Variants in HPS3 observed in about 807,000 individuals in gnomAD.
The protein encoded by HPS3 is HPS3 biogenesis of lysosomal organelles complex 2 subunit 1, also known as BLOC-2 complex member HPS3.
A neutral mutation model predicts 110.9 loss-of-function variants in HPS3; 79 were observed. That is an observed-to-expected ratio of 0.71 (90% CI 0.59 to 0.86). The LOEUF is 0.86. Ranked by LOEUF, HPS3 falls within the 40% of genes least tolerant of loss-of-function variation. The pLI is 0.00. For synonymous variants in HPS3, 428 were observed against 451.0 expected (o/e 0.95, Z 0.65); for missense variants, 1,197 against 1,206.2 (o/e 0.99, Z 0.11).
chr3:149,171,698 CTTTT>C (rs1170000443), intron 16 of HPS3, among the ~76,000 whole-genome samples: 24 of 118,248 alleles, frequency 2.0e-4, no homozygotes, highest in Admixed American at 1.4e-3. Flanking sequence ...GAACTGGCTT[CTTTT>C]TTTTTTTTTT....
At chr3:149,156,765 A>T (rs868560297) in intron 8 of HPS3, among the ~76,000 whole-genome samples, 1 of 152,126 alleles carries the variant, frequency 6.6e-6, no homozygotes, top group Non-Finnish European at 1.5e-5. Context: ...AATGCCAATT[A>T]TTATATTAGC....
intron 11 of HPS3, among the ~76,000 whole-genome samples, chr3:149,160,984 T>C (rs963334814): frequency 3.9e-5 from 6 of 152,328 alleles, no homozygotes; most frequent in African/African-American, 1.4e-4. Context: ...AGTTAAGTTG[T>C]AGAGCCAGAA....
chr3:149,135,886 TTCTC>T (rs1447028518), intron 1 of HPS3, among the ~76,000 whole-genome samples: 2 of 152,180 alleles, frequency 1.3e-5, no homozygotes, highest in Non-Finnish European at 2.9e-5. Context: ...AAGCCCTACT[TTCTC>T]TCAGTTTTCC....
rs774625249 is a variant in HPS3, at chr3:149,129,810, G to T, written c.87G>T (p.Gly29=). The change falls in exon 1 of 17, where the codon GGG becomes GGT. Residue 29 remains glycine (G), a synonymous_variant. Coordinates refer to ENST00000296051, the MANE Select transcript of HPS3 (RefSeq NM_032383.5). The part of the protein sequence containing the change: ...KLEPDRFCGG[G]RDALFVAAGC... ...AGCCGGACCGGTTCTGTGGCGGGGG[G>T]CGTGACGCGCTTTTCGTGGCGGCGG... 1 of 1,607,274 alleles carries T rather than the reference G, an allele frequency of 6.2e-7. No homozygotes were observed. Among genetic ancestry groups the T allele is most frequent in the Non-Finnish European group, 8.5e-7 (1 of 1,179,292 alleles).
chr3:149,160,068 A>C lies in HPS3; in HGVS notation c.1895A>C (p.Gln632Pro), dbSNP rs1267635630. ...AAGGAATTAGCAGCAAAAGTGGTTC[A>C]GATGTTTTATGTGGCTGAGCCAAAG... ...LNEELAAKVV[Q>P]MFYVAEPKQV... The change falls in exon 11 of 17, where the codon CAG becomes CCG. Residue 632 changes from glutamine (Q) to proline (P), a missense_variant. Coordinates refer to ENST00000296051, the MANE Select transcript of HPS3 (RefSeq NM_032383.5). 6.2e-6 allele frequency: 10 copies of C among 1,613,700 alleles called. No homozygotes were observed. Among genetic ancestry groups the C allele is most frequent in the Non-Finnish European group, 8.5e-6 (10 of 1,179,774 alleles).
At position 149,132,889 on chromosome 3, in the gene HPS3, G is replaced by T. The variant is rs370117865; in HGVS notation, c.217+2949G>T. ...CAACTCTCATGGATGACTTTGAGGG[G>T]TTCAAGACTTAGGTGGATGAAATAA... On this transcript the variant is annotated intron_variant, in intron 1 of 16. Transcript: ENST00000296051. Among the ~76,000 whole-genome samples the T allele has an allele frequency of 2.6e-5, 4 of 152,334 alleles. 1 individual carries two copies. The highest frequency in any genetic ancestry group is 6.5e-5 in the Admixed American group (1 of 15,302).
intron 8 of HPS3, among the ~76,000 whole-genome samples, chr3:149,155,966 C>G (rs1358197950): frequency 6.6e-6 from 1 of 152,094 alleles, no homozygotes; most frequent in East Asian, 1.9e-4. Context: ...CCCAGGAGTT[C>G]AAGGCCACAA....
intron 8 of HPS3, 144 bp downstream of exon 8, chr3:149,155,359 C>A: frequency 1.5e-6 from 1 of 654,860 alleles, no homozygotes; most frequent in Admixed American, 2.3e-5. Flanking sequence ...GTATATCTCT[C>A]TCTGCCTCCT....
intron 1 of HPS3, among the ~76,000 whole-genome samples, chr3:149,133,608 C>G (rs2108118294): frequency 6.6e-6 from 1 of 152,198 alleles, no homozygotes; most frequent in South Asian, 2.1e-4. Flanking sequence ...CCATTGTTGT[C>G]TTATTTTAAG....
intron 1 of HPS3, among the ~76,000 whole-genome samples, chr3:149,136,489 A>G (rs1722105785): frequency 6.6e-6 from 1 of 152,200 alleles, no homozygotes; most frequent in East Asian, 1.9e-4. Flanking sequence ...TCAGTTGGGG[A>G]AACAGCATTA....
At position 149,140,084 on chromosome 3, in the gene HPS3, G is replaced by A. The variant is rs1257162572; in HGVS notation, c.298G>A (p.Glu100Lys). 9 of 1,612,728 alleles carry A rather than the reference G, an allele frequency of 5.6e-6. No individual in the cohort carries two copies. The highest frequency in any genetic ancestry group is 7.6e-6 in the Non-Finnish European group (9 of 1,179,600). The change falls in exon 2 of 17, where the codon GAA becomes AAA. Residue 100 changes from glutamate (E) to lysine (K), a missense_variant. Transcript: ENST00000296051. ...AYVNWRNKRT[E>K]NSRVCIRMIG... ...TGTGAACTGGAGAAATAAAAGGACTGAAAACTCTCGTGTGTGTATCCGAAT... is the reference window on the plus strand; with the variant it reads ...TGTGAACTGGAGAAATAAAAGGACTAAAAACTCTCGTGTGTGTATCCGAAT...
Position 149,140,212 on chromosome 3 carries a change from C to T in HPS3, c.426C>T (p.Cys142=), listed in dbSNP as rs766173769. Residue 142 remains cysteine, a synonymous_variant, in exon 2 of 17, where the codon TGC becomes TGT. Transcript: ENST00000296051. ...AGGCCCCCTTGTGCATTTCCTGTTG[C>T]CCTGTGAAAGGAGACCTTCTCGTTG... ...LSEAPLCISC[C]PVKGDLLVGC... The T allele has an allele frequency of 6.2e-7, 1 of 1,614,042 alleles. No individual in the cohort carries two copies. The highest frequency in any genetic ancestry group is 1.7e-5 in the Admixed American group (1 of 60,010).
In HPS3 at chr3:149,167,885, TA is replaced by T; in HGVS notation, c.2797-6del. On this transcript the variant is annotated splice_region_variant and splice_polypyrimidine_tract_variant and intron_variant, in intron 15 of 16. Coordinates refer to ENST00000296051, the MANE Select transcript of HPS3 (RefSeq NM_032383.5). ...AAACTAAAATTTATTCATTTTTTCC[TA>T]AGATAGACTCTGTGGTGGAAAAAAC... The T allele has an allele frequency of 6.5e-7, 1 of 1,543,634 alleles. No individual in the cohort carries two copies.
chr3:149,173,418 T>A lies in HPS3; in HGVS notation c.*1196T>A, dbSNP rs868443549. ...ACCCAGGAGAATATCTGGTCATAGA[T>A]CTTTTTTTAAATGCAGTTTTATAAA... On this transcript the variant is annotated 3_prime_UTR_variant, in exon 17 of 17. Transcript: ENST00000296051. 5 of 229,644 alleles carry A rather than the reference T, an allele frequency of 2.2e-5. No individual in the cohort carries two copies. The highest frequency in any genetic ancestry group is 1.7e-3 in the Middle Eastern group (1 of 598). The allele number at this position is 229,644 out of a possible 1,614,324, so 14.2% of individuals were successfully genotyped here. A position where few individuals can be genotyped will look rare whatever the true frequency, so the allele number is the denominator to read the frequency against.
intron 1 of HPS3, 90 bp downstream of exon 1, chr3:149,130,030 A>G (rs1721659604): frequency 1.6e-6 from 2 of 1,263,550 alleles, no homozygotes; most frequent in African/African-American, 1.5e-5. Flanking sequence ...AGCTCTAGCT[A>G]GGGATGGGAC....
chr3:149,166,677 C>T (rs1724448280), intron 14 of HPS3, among the ~76,000 whole-genome samples: 1 of 152,124 alleles, frequency 6.6e-6, no homozygotes, highest in Non-Finnish European at 1.5e-5. Flanking sequence ...ATTGCGAATA[C>T]TCTTGCGGTG....
At chr3:149,148,639 AG>A (rs1722922133) in intron 5 of HPS3, among the ~76,000 whole-genome samples, 1 of 151,834 alleles carries the variant, frequency 6.6e-6, no homozygotes, top group Non-Finnish European at 1.5e-5. Context: ...TCCAGACCTC[AG>A]GCAATTCGCC....
At chr3:149,164,781 C>T (rs928833835) in intron 14 of HPS3, among the ~76,000 whole-genome samples, 1 of 152,210 alleles carries the variant, frequency 6.6e-6, no homozygotes, top group African/African-American at 2.4e-5. Context: ...CACTGTCCTC[C>T]CGCACAGTTA....
In HPS3 at chr3:149,140,015, G is replaced by A. The variant is rs752380626; in HGVS notation, c.229G>A (p.Val77Ile). 1 of 1,612,836 alleles carries A rather than the reference G, an allele frequency of 6.2e-7. No individual in the cohort carries two copies. The highest frequency in any genetic ancestry group is 2.2e-5 in the East Asian group (1 of 44,880). The change falls in exon 2 of 17, where the codon GTA becomes ATA. Residue 77 changes from valine (V) to isoleucine (I), a missense_variant. Physicochemically the swap from Val to Ile is conservative, Grantham distance 29 (BLOSUM62 3). Transcript: ENST00000296051. ...TCATTCCTTCTCAGGAGATTATTTG[G>A]TAGCAATTGAAGAGAAAAACAAAGC... The part of the protein sequence containing the change: ...LAYSEAGDYL[V>I]AIEEKNKATF...
Sources: gnomAD v4.1 joint callset for allele counts (sites outside exome capture counted in the v4.1 genomes callset) on GRCh38, gnomAD v4.1.1 for gene constraint, MANE v1.5 for transcripts, NCBI Gene and HGNC (gene_info 2026-07-23, HGNC 2026-07-21) for gene names.